The following URB2 variants were observed in gnomAD, a reference collection of about 807,000 sequenced individuals.
The protein encoded by URB2 is URB2 ribosome biogenesis homolog.
Under a neutral mutation model 120.9 loss-of-function variants are expected in URB2, and 86 were observed. That is an observed-to-expected ratio of 0.71 (90% CI 0.60 to 0.85). The LOEUF is 0.85. URB2 is among the 40% of genes least tolerant of loss of function. The probability of loss-of-function intolerance (pLI) is 0.00; values close to 1 mark genes in which losing one functional copy is unlikely to be tolerated. For synonymous variants in URB2, 755 were observed against 758.4 expected, an observed-to-expected ratio of 1.00 and a Z score of 0.07; for missense variants, 1,765 against 1,836.5, an observed-to-expected ratio of 0.96 and a Z score of 0.71.
Position 229,659,333 on chromosome 1 carries a change from C to T in URB2, c.*36C>T. On this transcript the variant is annotated 3_prime_UTR_variant, in exon 10 of 10. Coordinates refer to ENST00000258243, the MANE Select transcript of URB2 (RefSeq NM_014777.4). ...CAGAAGTGCCGCCAGTGACACTGTC[C>T]AGAGGCTTTGGCTGCATGGTCTGAA... The T allele has an allele frequency of 6.3e-7, 1 of 1,598,586 alleles. No homozygotes were observed. The highest frequency in any genetic ancestry group is 1.9e-4 in the Middle Eastern group (1 of 5,198).
chr1:229,648,002 A>G (rs892159832), intron 7 of URB2, among the ~76,000 whole-genome samples: 1 of 152,208 alleles, frequency 6.6e-6, no homozygotes, highest in Non-Finnish European at 1.5e-5. Flanking sequence ...TAGTGTTTGT[A>G]TACTACAGGT....
rs778664697 is a variant in URB2, at chr1:229,637,053, T to A, written c.2440T>A (p.Cys814Ser). 8.1e-6 allele frequency: 13 copies of A among 1,614,072 alleles called. No homozygotes were observed. In the South Asian group the frequency reaches 1.2e-4, roughly 15 times the overall value. ...MQSLHSAFLT[C>S]VTTSCSSILC... ...GTCCCTTCATTCTGCTTTCTTAACG[T>A]GCGTAACCACAAGTTGCTCCAGCAT... The change falls in exon 4 of 10, where the codon TGC becomes AGC. Residue 814 changes from cysteine to serine, a missense_variant. Cys to Ser is a moderately radical substitution (Grantham distance 112, BLOSUM62 -1). Transcript: ENST00000258243.
chr1:229,648,483 T>G (rs1299000530), intron 7 of URB2, among the ~76,000 whole-genome samples: 1 of 152,204 alleles, frequency 6.6e-6, no homozygotes, highest in East Asian at 1.9e-4. Flanking sequence ...TGAGTTCCAG[T>G]TTTATAGTAT....
chr1:229,627,515 C>A, intron 1 of URB2, 106 bp from the exon 2 acceptor site: 1 of 1,063,456 alleles, frequency 9.4e-7, no homozygotes, highest in Non-Finnish European at 1.3e-6. Context: ...TAAAAGAATA[C>A]ATATTAGGTA....
At chr1:229,628,754 AAAAT>A (rs1164585078) in intron 2 of URB2, among the ~76,000 whole-genome samples, 2 of 152,224 alleles carry the variant, frequency 1.3e-5, no homozygotes, top group African/African-American at 4.8e-5. Flanking sequence ...TTTTAGGCTA[AAAAT>A]TAGTTGGCAT....
rs1665821798 is a variant in URB2 at position 229,636,431 on chromosome 1, G to A, written c.1818G>A (p.Val606=). 1.9e-6 allele frequency: 3 copies of A among 1,614,104 alleles called. No individual in the cohort carries two copies. Among genetic ancestry groups the A allele is most frequent in the South Asian group, 1.1e-5 (1 of 91,086 alleles). Residue 606 remains valine, a synonymous_variant, in exon 4 of 10, where the codon GTG becomes GTA. Coordinates refer to ENST00000258243, the MANE Select transcript of URB2 (RefSeq NM_014777.4). The part of the protein sequence containing the change: ...ELWLQKVSDS[V]LLLSYTWAQV... The stretch of plus-strand genomic sequence containing the variant: ...GGCTGCAGAAGGTCAGTGACTCTGT[G>A]CTCCTGCTCTCTTACACTTGGGCCC...
At chr1:229,642,120 C>T (rs571881534) in intron 4 of URB2, among the ~76,000 whole-genome samples, 4 of 152,184 alleles carry the variant, frequency 2.6e-5, no homozygotes, top group South Asian at 2.1e-4. Flanking sequence ...AACAGACATT[C>T]GCACAAATCA....
chr1:229,633,062 C>T (rs1326925465), intron 3 of URB2, among the ~76,000 whole-genome samples: 1 of 152,268 alleles, frequency 6.6e-6, no homozygotes, highest in Non-Finnish European at 1.5e-5. Flanking sequence ...CCTAAAGTCA[C>T]ATGGCTAGTT....
intron 7 of URB2, 66 bp from the exon 8 acceptor site, chr1:229,651,169 C>T (rs1189678412): frequency 5.6e-6 from 8 of 1,434,752 alleles, no homozygotes; most frequent in Non-Finnish European, 6.5e-6. Flanking sequence ...AGTATGAGCT[C>T]CTTTAAAGTA....
At position 229,636,496 on chromosome 1, in the gene URB2, ACT is replaced by A; in HGVS notation, c.1886_1887del (p.Ser629TyrfsTer61). ...TTCAGTTTGAACTGTAGCCAGTATC[ACT>A]CTATGTCTGGGCCCCTTATAGGTGT... On this transcript the variant is annotated frameshift_variant, in exon 4 of 10. Coordinates refer to ENST00000258243, the MANE Select transcript of URB2 (RefSeq NM_014777.4). LOFTEE classifies it high-confidence loss of function. The A allele has an allele frequency of 1.2e-6, 2 of 1,613,948 alleles. No homozygotes were observed. The highest frequency in any genetic ancestry group is 1.7e-6 in the Non-Finnish European group (2 of 1,179,998).
Position 229,647,673 on chromosome 1 carries a change from A to G in URB2, c.4070A>G (p.His1357Arg), listed in dbSNP as rs1666185132. 1 of 1,614,154 alleles carries G rather than the reference A, an allele frequency of 6.2e-7. No individual in the cohort carries two copies. Among genetic ancestry groups the G allele is most frequent in the South Asian group, 1.1e-5 (1 of 91,080 alleles). ...ATCCTTCTCACTGTCCCTTTGGACCATCTGAAGCCGCTGGAGTATGGAAGC... is the reference window on the plus strand; with the variant it reads ...ATCCTTCTCACTGTCCCTTTGGACCGTCTGAAGCCGCTGGAGTATGGAAGC... Reference protein sequence around the residue: ...FSILLTVPLDHLKPLEYGSVF... With the variant: ...FSILLTVPLDRLKPLEYGSVF... The change falls in exon 7 of 10, where the codon CAT becomes CGT. Residue 1357 changes from histidine (H) to arginine (R), a missense_variant. By Grantham distance (29) the His-to-Arg change is conservative (BLOSUM62 0). Transcript: ENST00000258243.
In URB2 at chr1:229,635,526, G is replaced by A; in HGVS notation, c.913G>A (p.Ala305Thr). 1 of 1,614,130 alleles carries A rather than the reference G, an allele frequency of 6.2e-7. No homozygotes were observed. The highest frequency in any genetic ancestry group is 8.5e-7 in the Non-Finnish European group (1 of 1,180,024). ...LHTSVVANSV[A>T]LLYKLFLDSY... ...TACCTCTGTTGTGGCCAACTCAGTGGCCTTGCTGTATAAGCTCTTTCTAGA... is the reference window on the plus strand; with the variant it reads ...TACCTCTGTTGTGGCCAACTCAGTGACCTTGCTGTATAAGCTCTTTCTAGA... Residue 305 changes from alanine (A) to threonine (T), a missense_variant, in exon 4 of 10, where the codon GCC becomes ACC. By Grantham distance (58) the Ala-to-Thr change is moderately conservative. Transcript: ENST00000258243.
rs756618979 is a variant in URB2, at chr1:229,635,404, G to A, written c.791G>A (p.Gly264Glu). 1.9e-6 allele frequency: 3 copies of A among 1,613,944 alleles called. No individual in the cohort carries two copies. The highest frequency in any genetic ancestry group is 2.5e-6 in the Non-Finnish European group (3 of 1,179,998). ...YKEGLLDQQQ[G>E]DVKTGAMKNL... The stretch of plus-strand genomic sequence containing the variant: ...GAGGGGCTCTTGGACCAGCAGCAAG[G>A]GGATGTGAAGACGGGAGCCATGAAG... Residue 264 changes from glycine to glutamate, a missense_variant, in exon 4 of 10, where the codon GGG becomes GAG. Coordinates refer to ENST00000258243, the MANE Select transcript of URB2 (RefSeq NM_014777.4).
chr1:229,644,098 A>T (rs182341895), intron 5 of URB2, among the ~76,000 whole-genome samples: 1 of 152,270 alleles, frequency 6.6e-6, no homozygotes, highest in East Asian at 1.9e-4. Flanking sequence ...AGGTTAGCCT[A>T]CCCCCTTCAG....
intron 1 of URB2, among the ~76,000 whole-genome samples, chr1:229,626,880 G>C (rs1332948995): frequency 6.6e-6 from 1 of 152,244 alleles, no homozygotes; most frequent in Non-Finnish European, 1.5e-5. Context: ...TGACGTTCTT[G>C]TTCTCTGCAG....
In URB2 at chr1:229,637,759, AC is replaced by A; in HGVS notation, c.3151del (p.Gln1051ArgfsTer10). 1 of 1,613,976 alleles carries A rather than the reference AC, an allele frequency of 6.2e-7. No individual in the cohort carries two copies. Among genetic ancestry groups the A allele is most frequent in the Non-Finnish European group, 8.5e-7 (1 of 1,179,998 alleles). ...TCAAGCAAACAATTAGAAAATCAGA[AC>A]CCCCAGGGCAGGCAGCTCCTTCTGG... ...AASSKQLENQ[N>X]PQGRQLLLVS... On this transcript the variant is annotated frameshift_variant, in exon 4 of 10. Coordinates refer to ENST00000258243, the MANE Select transcript of URB2 (RefSeq NM_014777.4). LOFTEE classifies it high-confidence loss of function.
chr1:229,650,640 A>G (rs1244975912), intron 7 of URB2, among the ~76,000 whole-genome samples: 1 of 152,096 alleles, frequency 6.6e-6, no homozygotes, highest in Non-Finnish European at 1.5e-5. Context: ...CCTGTTGGCC[A>G]GGCTGGTCTC....
In URB2 at chr1:229,627,737, G is replaced by C; in HGVS notation, c.104G>C (p.Cys35Ser). Residue 35 changes from cysteine to serine, a missense_variant, in exon 2 of 10, where the codon TGC becomes TCC. Transcript: ENST00000258243. ...LAHFAWISHQ[C>S]FLPNKEQVLL... The stretch of plus-strand genomic sequence containing the variant: ...CACTTTGCTTGGATTTCTCACCAGT[G>C]CTTTCTTCCAAATAAAGAACAAGTA... 1.9e-6 allele frequency: 3 copies of C among 1,610,342 alleles called. No individual in the cohort carries two copies. The highest frequency in any genetic ancestry group is 2.2e-5 in the South Asian group (2 of 90,320).
rs147081803 is a variant in URB2, at chr1:229,653,629, T to C, written c.4238-620T>C. Among the ~76,000 whole-genome samples, 806 of 152,218 alleles carry C rather than the reference T, an allele frequency of 5.3e-3. 10 individuals carry two copies. Among genetic ancestry groups the C allele is most frequent in the African/African-American group, 0.018 (746 of 41,522 alleles). ...TCAAGCTGTGGGGACACTCATGCAA[T>C]TAGGATTCTTGGGAGGAGTTTGTTA... On this transcript the variant is annotated intron_variant, in intron 8 of 9. Coordinates refer to ENST00000258243, the MANE Select transcript of URB2 (RefSeq NM_014777.4).
Sources: gnomAD v4.1 joint callset for allele counts (sites outside exome capture counted in the v4.1 genomes callset) on GRCh38, gnomAD v4.1.1 for gene constraint, MANE v1.5 for transcripts, NCBI Gene and HGNC (gene_info 2026-07-23, HGNC 2026-07-21) for gene names.